FHIT: variants seen among roughly 807,000 people sequenced by gnomAD.
The protein encoded by FHIT is fragile histidine triad diadenosine triphosphatase, also known as bis(5'-adenosyl)-triphosphatase.
FHIT carries 19 observed loss-of-function variants against 17.9 expected under a neutral mutation model. The ratio of observed to expected loss-of-function variants is 1.06; its 90% CI spans 0.74 to 1.56. The LOEUF is 1.56. Ranked by LOEUF, FHIT falls within the 40% of genes most tolerant of loss-of-function variation. The probability of loss-of-function intolerance (pLI) is 0.00; values close to 1 mark genes in which losing one functional copy is unlikely to be tolerated. For missense variants in FHIT, 248 were observed against 189.2 expected (o/e 1.31, Z -1.82); for synonymous variants, 81 against 69.7 (o/e 1.16, Z -0.81).
intron 8 of FHIT, among the ~76,000 whole-genome samples, chr3:59,908,850 T>TTTTTTTTTTTTG (rs1553712872): frequency 6.7e-6 from 1 of 150,092 alleles, no homozygotes; most frequent in Non-Finnish European, 1.5e-5. Context: ...TTTCATTTTT[T>TTTTTTTTTTTTG]AATAGTCCAA....
chr3:60,350,019 C>G (rs12635331), intron 5 of FHIT, among the ~76,000 whole-genome samples: 82,097 of 151,962 alleles, frequency 0.54, 23,306 homozygotes, highest in South Asian at 0.76. Context: ...CAATAGAAGA[C>G]AATTGGTATT....
chr3:60,402,892 G>T (rs1340401988), intron 5 of FHIT, among the ~76,000 whole-genome samples: 1 of 152,074 alleles, frequency 6.6e-6, no homozygotes. Context: ...CCACTGTCTT[G>T]GCAGACTTTA....
chr3:61,002,870 C>G (rs905094740), intron 3 of FHIT, among the ~76,000 whole-genome samples: 1 of 152,162 alleles, frequency 6.6e-6, no homozygotes, highest in Non-Finnish European at 1.5e-5. Context: ...CTCCATACCC[C>G]TTCTGATAGT....
intron 5 of FHIT, among the ~76,000 whole-genome samples, chr3:60,026,373 C>G (rs1441576606): frequency 6.6e-6 from 1 of 151,860 alleles, no homozygotes; most frequent in Non-Finnish European, 1.5e-5. Flanking sequence ...CTCAATCCAG[C>G]AATGGTAATG....
intron 5 of FHIT, among the ~76,000 whole-genome samples, chr3:60,481,607 T>C (rs1265111190): frequency 6.6e-6 from 1 of 152,098 alleles, no homozygotes; most frequent in African/African-American, 2.4e-5. Context: ...ATAAAATCCT[T>C]TCCAGACAAG....
chr3:60,657,501 C>A (rs2040145078), intron 4 of FHIT, among the ~76,000 whole-genome samples: 1 of 152,070 alleles, frequency 6.6e-6, no homozygotes, highest in East Asian at 1.9e-4. Flanking sequence ...TAGTCAATGA[C>A]TAAAGGAATC....
intron 2 of FHIT, among the ~76,000 whole-genome samples, chr3:61,047,852 C>A (rs1427113122): frequency 1.5e-5 from 1 of 66,738 alleles, no homozygotes; most frequent in Non-Finnish European, 4.2e-5. Context: ...CTTTGACAAA[C>A]ATGAAAAAAC....
intron 5 of FHIT, among the ~76,000 whole-genome samples, chr3:60,219,158 T>A (rs1313752659): frequency 6.6e-6 from 1 of 152,140 alleles, no homozygotes; most frequent in Non-Finnish European, 1.5e-5. Flanking sequence ...TCCTACTGCA[T>A]CTGGCTTTGC....
intron 5 of FHIT, among the ~76,000 whole-genome samples, chr3:60,063,781 A>G (rs956245496): frequency 6.6e-6 from 1 of 152,194 alleles, no homozygotes; most frequent in Non-Finnish European, 1.5e-5. Context: ...TTGTGCAAGA[A>G]TGTCCTTTGT....
intron 5 of FHIT, among the ~76,000 whole-genome samples, chr3:60,216,917 T>A (rs1198877600): frequency 6.6e-6 from 1 of 152,136 alleles, no homozygotes; most frequent in African/African-American, 2.4e-5. Flanking sequence ...CTCCCTGACA[T>A]CTGGATACTC....
chr3:60,380,704 TA>T (rs899341948), intron 5 of FHIT, among the ~76,000 whole-genome samples: 4 of 152,140 alleles, frequency 2.6e-5, no homozygotes, highest in Admixed American at 2.6e-4. Flanking sequence ...AGACCTATAT[TA>T]AAAATGCAAG....
At chr3:60,104,353 G>A (rs890811925) in intron 5 of FHIT, among the ~76,000 whole-genome samples, 1 of 152,042 alleles carries the variant, frequency 6.6e-6, no homozygotes, top group African/African-American at 2.4e-5. Flanking sequence ...TGCATTCAGT[G>A]CTTTGATTGT....
chr3:60,796,295 AT>A (rs1417997036), intron 4 of FHIT, among the ~76,000 whole-genome samples: 2 of 152,338 alleles, frequency 1.3e-5, no homozygotes, highest in African/African-American at 4.8e-5. Flanking sequence ...TTATTTTTAA[AT>A]TAGAAAACCT....
chr3:60,968,028 G>T (rs547416980), intron 3 of FHIT, among the ~76,000 whole-genome samples: 1 of 152,344 alleles, frequency 6.6e-6, no homozygotes, highest in African/African-American at 2.4e-5. Flanking sequence ...GAAATCTGGT[G>T]AACATCGTAT....
At chr3:60,664,196 T>C (rs540424903) in intron 4 of FHIT, among the ~76,000 whole-genome samples, 9 of 152,144 alleles carry the variant, frequency 5.9e-5, no homozygotes, top group Non-Finnish European at 1.3e-4. Context: ...ATGATATTAT[T>C]TACTTTTTTT....
intron 5 of FHIT, among the ~76,000 whole-genome samples, chr3:60,121,793 A>T (rs1029157520): frequency 1.3e-5 from 2 of 151,758 alleles, no homozygotes; most frequent in Admixed American, 6.6e-5. Flanking sequence ...GTCCCACTCC[A>T]ACAACTATGT....
At chr3:60,012,971 T>C (rs1700198464) in intron 6 of FHIT, among the ~76,000 whole-genome samples, 1 of 152,174 alleles carries the variant, frequency 6.6e-6, no homozygotes. Flanking sequence ...AACATAAGCT[T>C]GATAAACCCA....
chr3:60,130,115 G>GA (rs1699473310), intron 5 of FHIT, among the ~76,000 whole-genome samples: 1 of 152,044 alleles, frequency 6.6e-6, no homozygotes, highest in African/African-American at 2.4e-5. Context: ...AATTCTACCG[G>GA]AAAAAAGTGA....
chr3:61,210,748 G>C (rs11130826), intron 1 of FHIT, among the ~76,000 whole-genome samples: 1 of 151,654 alleles, frequency 6.6e-6, no homozygotes, highest in Admixed American at 6.6e-5. Flanking sequence ...GACCCCTTGC[G>C]CTTCCCGGAT....
Sources: gnomAD v4.1 joint callset for allele counts (sites outside exome capture counted in the v4.1 genomes callset) on GRCh38, gnomAD v4.1.1 for gene constraint, MANE v1.5 for transcripts, NCBI Gene and HGNC (gene_info 2026-07-23, HGNC 2026-07-21) for gene names.